PEPD: variants seen among roughly 807,000 people sequenced by gnomAD.
PEPD encodes the protein peptidase D.
PEPD carries 53 observed loss-of-function variants against 60.7 expected under a neutral mutation model. The ratio of observed to expected loss-of-function variants is 0.87; its 90% CI spans 0.70 to 1.10. The LOEUF (loss-of-function observed/expected upper bound fraction) is 1.10. Among genes scored for constraint, PEPD ranks in the 50% least tolerant of loss-of-function variants. PEPD has a pLI of 0.00. For missense variants in PEPD, 711 were observed against 711.9 expected, an observed-to-expected ratio of 1.00 and a Z score of 0.01; for synonymous variants, 267 against 284.1, an observed-to-expected ratio of 0.94 and a Z score of 0.60.
chr19:33,492,088 G>T (rs1476731546), intron 5 of PEPD, among the ~76,000 whole-genome samples: 3 of 151,738 alleles, frequency 2.0e-5, no homozygotes, highest in Non-Finnish European at 4.4e-5. Flanking sequence ...TCACTTTGGG[G>T]GGAAGGCTTG....
Position 33,490,048 on chromosome 19 carries a change from T to G in PEPD, c.451A>C (p.Asn151His). 6.2e-7 allele frequency: 1 copy of G among 1,612,166 alleles called. No homozygotes were observed. The highest frequency in any genetic ancestry group is 1.3e-5 in the African/African-American group (1 of 75,012). Residue 151 changes from asparagine to histidine, a missense_variant, in exon 6 of 15, where the codon AAC (asparagine) becomes CAC (histidine). Physicochemically the swap from Asn to His is moderately conservative, Grantham distance 68 (BLOSUM62 1). Coordinates refer to ENST00000244137, the MANE Select transcript of PEPD (RefSeq NM_000285.4). ...CTGCAGACACTGCCGCTGTCCGTGTTGACGCCACGCTGGGGAGAGAGAACA... is the reference window on the plus strand; with the variant it reads ...CTGCAGACACTGCCGCTGTCCGTGTGGACGCCACGCTGGGGAGAGAGAACA... The part of the protein sequence containing the change: ...PSVLLTLRGV[N>H]TDSGSVCREA...
At chr19:33,448,965 G>C (rs1297006419) in intron 9 of PEPD, among the ~76,000 whole-genome samples, 1 of 152,222 alleles carries the variant, frequency 6.6e-6, no homozygotes, top group Non-Finnish European at 1.5e-5. Context: ...CCTTTCTCTT[G>C]CTAGAAAATT....
intron 11 of PEPD, among the ~76,000 whole-genome samples, chr19:33,406,396 C>T (rs878988870): frequency 6.6e-5 from 10 of 152,242 alleles, no homozygotes; most frequent in Admixed American, 2.0e-4. Flanking sequence ...GGAGAGCACG[C>T]TCCTAACTGG....
intron 7 of PEPD, among the ~76,000 whole-genome samples, chr19:33,476,483 G>A (rs895554067): frequency 5.9e-5 from 9 of 151,872 alleles, no homozygotes; most frequent in South Asian, 4.2e-4. Context: ...CTTCACTCAC[G>A]CATCATAACC....
chr19:33,484,401 T>C (rs1363110053), intron 6 of PEPD, among the ~76,000 whole-genome samples: 4 of 151,944 alleles, frequency 2.6e-5, no homozygotes, highest in Admixed American at 2.0e-4. Flanking sequence ...AGCAGCAAAG[T>C]GACCCAGCAC....
At chr19:33,498,449 A>G (rs1970649109) in intron 4 of PEPD, among the ~76,000 whole-genome samples, 1 of 152,214 alleles carries the variant, frequency 6.6e-6, no homozygotes, top group Admixed American at 6.5e-5. Flanking sequence ...TCACCCCCAG[A>G]AATCACAGTA....
chr19:33,387,962 C>T lies in PEPD; in HGVS notation c.1272G>A (p.Glu424=). 2 of 1,597,096 alleles carry T rather than the reference C, an allele frequency of 1.3e-6. No homozygotes were observed. The highest frequency in any genetic ancestry group is 8.5e-7 in the Non-Finnish European group (1 of 1,172,644). Residue 424 remains glutamate (E), a synonymous_variant, in exon 14 of 15, where the codon GAG becomes GAA. Transcript: ENST00000244137. ...GIYFIDHLLD[E]ALADPARASF... ...AGGCGCGGGCCGGGTCCGCCAGGGCCTCATCCAGGAGGTGGTCGATGAAGT... is the reference window on the plus strand; with the variant it reads ...AGGCGCGGGCCGGGTCCGCCAGGGCTTCATCCAGGAGGTGGTCGATGAAGT...
chr19:33,419,244 C>T lies in PEPD; in HGVS notation c.672-5601G>A, dbSNP rs572026886. Among the ~76,000 whole-genome samples the T allele has an allele frequency of 2.0e-5, 3 of 152,320 alleles. No individual in the cohort carries two copies. In the South Asian group the frequency reaches 6.2e-4, roughly 32 times the overall value. ...TCACACTCCTGGAGCCCCACTGCTG[C>T]CCAGATCACTCTCCCTGACTACTCA... On this transcript the variant is annotated intron_variant, in intron 9 of 14. Coordinates refer to ENST00000244137, the MANE Select transcript of PEPD (RefSeq NM_000285.4).
At position 33,391,349 on chromosome 19, in the gene PEPD, G is replaced by A. The variant is rs149579451; in HGVS notation, c.1098C>T (p.His366=). 4,973 of 1,611,132 alleles carry A rather than the reference G, an allele frequency of 3.1e-3. 15 individuals are homozygous for A. The highest frequency in any genetic ancestry group is 3.7e-3 in the Non-Finnish European group (4,340 of 1,179,108). The change falls in exon 13 of 15, where the codon CAC becomes CAT. Residue 366 remains histidine, a synonymous_variant. Transcript: ENST00000244137. ...QAHLGAVFMP[H]GLGHFLGIDV... ...CAATGCCCAGGAAGTGGCCAAGCCC[G>A]TGAGGCATAAACACGGCCCCCAGGT...
intron 7 of PEPD, among the ~76,000 whole-genome samples, chr19:33,472,420 G>T (rs1420981216): frequency 6.6e-6 from 1 of 152,192 alleles, no homozygotes; most frequent in African/African-American, 2.4e-5. Context: ...CTCACAGAGA[G>T]TCCCCAGCTC....
chr19:33,489,096 C>T (rs981763364), intron 6 of PEPD, among the ~76,000 whole-genome samples: 1 of 152,092 alleles, frequency 6.6e-6, no homozygotes. Context: ...CAGGCTCTCC[C>T]GGGGGCTGTG....
chr19:33,398,291 G>A (rs1968413063), intron 12 of PEPD, among the ~76,000 whole-genome samples: 1 of 152,218 alleles, frequency 6.6e-6, no homozygotes, highest in African/African-American at 2.4e-5. Context: ...GCTCTGCTTC[G>A]CCGCTGGGAG....
chr19:33,437,662 AAT>A (rs1238652059), intron 9 of PEPD, among the ~76,000 whole-genome samples: 1 of 152,208 alleles, frequency 6.6e-6, no homozygotes, highest in Non-Finnish European at 1.5e-5. Context: ...CAAGATGACA[AAT>A]ATCTTTCTCA....
At chr19:33,439,956 G>A (rs1395450670) in intron 9 of PEPD, among the ~76,000 whole-genome samples, 8 of 152,158 alleles carry the variant, frequency 5.3e-5, no homozygotes, top group Non-Finnish European at 1.2e-4. Flanking sequence ...GGCCTCAAGT[G>A]ATCTCCCTGC....
chr19:33,494,762 T>C (rs1970568942), intron 4 of PEPD, among the ~76,000 whole-genome samples: 1 of 152,178 alleles, frequency 6.6e-6, no homozygotes, highest in Non-Finnish European at 1.5e-5. Context: ...GGCTTACAGA[T>C]TAGAGAACTT....
intron 9 of PEPD, among the ~76,000 whole-genome samples, chr19:33,440,628 G>A (rs1969464665): frequency 6.6e-6 from 1 of 152,148 alleles, no homozygotes; most frequent in Non-Finnish European, 1.5e-5. Flanking sequence ...TGTCCGCTCT[G>A]TGCAAGGCTT....
chr19:33,411,810 G>A, intron 10 of PEPD, 61 bp from the exon 11 acceptor site: 3 of 1,024,932 alleles, frequency 2.9e-6, no homozygotes, highest in Non-Finnish European at 4.6e-6. Context: ...TCTGAAGGAG[G>A]GGGTGGATGC....
intron 5 of PEPD, among the ~76,000 whole-genome samples, chr19:33,492,557 G>A (rs1437684914): frequency 6.6e-6 from 1 of 152,026 alleles, no homozygotes; most frequent in African/African-American, 2.4e-5. Context: ...GCACTCTTCT[G>A]GTTATTTTTA....
chr19:33,460,334 T>A (rs1351622092), intron 9 of PEPD, among the ~76,000 whole-genome samples: 1 of 152,146 alleles, frequency 6.6e-6, no homozygotes, highest in Non-Finnish European at 1.5e-5. Context: ...CACATAGTGA[T>A]CCTGCCCTGG....
Sources: allele counts gnomAD v4.1 joint callset (sites outside exome capture counted in the v4.1 genomes callset), GRCh38; gene constraint gnomAD v4.1.1; transcripts MANE v1.5; gene names NCBI Gene and HGNC (gene_info 2026-07-23, HGNC 2026-07-21).